The following ZNF318 variants were observed in gnomAD, a reference collection of about 807,000 sequenced individuals.
The protein encoded by ZNF318 is endocrine regulator.
In ZNF318, 51 loss-of-function variants were observed where a neutral mutation model predicts 124.2. The observed-to-expected ratio is 0.41, with a 90% confidence interval of 0.33 to 0.52. The LOEUF (loss-of-function observed/expected upper bound fraction) is 0.52, where lower values mean the gene tolerates loss of function less well. Ranked by LOEUF, ZNF318 falls within the 20% of genes least tolerant of loss-of-function variation. The pLI, the probability that ZNF318 is intolerant of heterozygous loss-of-function variation, is 0.23. For missense variants in ZNF318, 2,815 were observed against 2,811.2 expected (o/e 1.00, Z -0.03); for synonymous variants, 1,090 against 1,040.7 (o/e 1.05, Z -0.91).
chr6:43,338,639 C>T lies in ZNF318; in HGVS notation c.5359G>A (p.Glu1787Lys). The T allele has an allele frequency of 6.2e-7, 1 of 1,614,142 alleles. No individual in the cohort carries two copies. The highest frequency in any genetic ancestry group is 8.5e-7 in the Non-Finnish European group (1 of 1,180,020). ...TNTELKERVK[E>K]LSEGIVDEGV... is the part of the protein sequence containing the mutation. Reference sequence around the variant, plus strand: ...TCATCAACTATCCCCTCAGACAGCTCCTTTACCCTTTCTTTTAGTTCAGTG... The same window carrying T: ...TCATCAACTATCCCCTCAGACAGCTTCTTTACCCTTTCTTTTAGTTCAGTG... The change falls in exon 10 of 10, where the codon GAG (glutamate) becomes AAG (lysine). Residue 1787 changes from glutamate (E) to lysine (K), a missense_variant. This residue lies in a region of ZNF318 where 927 missense variants were observed against 820.6 expected (regional missense o/e 1.13). Coordinates refer to ENST00000361428, the MANE Select transcript of ZNF318 (RefSeq NM_014345.3).
chr6:43,352,735 A>AT (rs747533476), intron 4 of ZNF318, among the ~76,000 whole-genome samples: 8 of 152,352 alleles, frequency 5.3e-5, no homozygotes, highest in Admixed American at 3.9e-4. Context: ...GATAGCAACT[A>AT]TTAGATAGTG....
Position 43,339,364 on chromosome 6 carries a change from A to G in ZNF318, c.4634T>C (p.Val1545Ala), listed in dbSNP as rs1161648433. 9 of 1,614,156 alleles carry G rather than the reference A, an allele frequency of 5.6e-6. No individual in the cohort carries two copies. The highest frequency in any genetic ancestry group is 7.6e-6 in the Non-Finnish European group (9 of 1,180,036). Residue 1545 changes from valine (V) to alanine (A), a missense_variant, in exon 10 of 10, where the codon GTG becomes GCG. This residue lies in a region of ZNF318 where 500 missense variants were observed against 605.2 expected (regional missense o/e 0.83). Coordinates refer to ENST00000361428, the MANE Select transcript of ZNF318 (RefSeq NM_014345.3). The surrounding 1 kb of genome is among the most constrained non-coding windows in gnomAD (Gnocchi z 4.2). Reference sequence around the variant, plus strand: ...TAATTTTTTGGCTTGTTCACTGAACACACTTGAGAGGGGTGGTGGAGGACG... The same window carrying G: ...TAATTTTTTGGCTTGTTCACTGAACGCACTTGAGAGGGGTGGTGGAGGACG... ...LVRPPPPLSS[V>A]FSEQAKKLEK...
chr6:43,342,057 C>A, intron 8 of ZNF318, 55 bp downstream of exon 8: 1 of 1,473,656 alleles, frequency 6.8e-7, no homozygotes, highest in South Asian at 1.1e-5. Flanking sequence ...TTCAGGGACA[C>A]CTCTTCCTCA....
chr6:43,350,024 C>A (rs562774380), intron 5 of ZNF318, among the ~76,000 whole-genome samples: 5 of 152,034 alleles, frequency 3.3e-5, no homozygotes, highest in Non-Finnish European at 5.9e-5. Flanking sequence ...TCGAGGCAGG[C>A]GGATCACCTG....
Position 43,357,144 on chromosome 6 carries a change from T to C in ZNF318, c.1170A>G (p.Ile390Met). The change falls in exon 3 of 10, where the codon ATA (isoleucine) becomes ATG (methionine). Residue 390 changes from isoleucine (I) to methionine (M), a missense_variant. Coordinates refer to ENST00000361428, the MANE Select transcript of ZNF318 (RefSeq NM_014345.3). ...CAGAGACCTGCATGGAGGGCTCCAT[T>C]ATGTCCACCTCAATCCGCTTCTTCA... ...SILKKRIEVD[I>M]MEPSMQLESF... 6.2e-7 allele frequency: 1 copy of C among 1,613,026 alleles called. No homozygotes were observed. Among genetic ancestry groups the C allele is most frequent in the Non-Finnish European group, 8.5e-7 (1 of 1,179,312 alleles).
At position 43,357,625 on chromosome 6, in the gene ZNF318, A is replaced by G. The variant is rs773082240; in HGVS notation, c.689T>C (p.Phe230Ser). 1.1e-5 allele frequency: 17 copies of G among 1,614,106 alleles called. No individual in the cohort carries two copies. In the East Asian group the frequency reaches 3.3e-4, roughly 32 times the overall value. ...GGGACTATAATCAGATCGATGCAGG[A>G]AAGTTTCTTTTGTTCGGTAGTCCTC... ...LDEDYRTKETFLHRSDYSPHI... is the reference protein window; with the variant it reads ...LDEDYRTKETSLHRSDYSPHI... The change falls in exon 3 of 10, where the codon TTC (phenylalanine) becomes TCC (serine). Residue 230 changes from phenylalanine to serine, a missense_variant. Physicochemically the swap from Phe to Ser is radical, Grantham distance 155 (BLOSUM62 -2). This residue lies in a region of ZNF318 where 1,377 missense variants were observed against 1,353.5 expected (regional missense o/e 1.02). Transcript: ENST00000361428.
chr6:43,358,497 A>AG (rs1562135299), intron 2 of ZNF318, among the ~76,000 whole-genome samples: 3 of 146,386 alleles, frequency 2.0e-5, no homozygotes, highest in East Asian at 2.0e-4. Context: ...CTCCTGACCT[A>AG]GTGATCAGCC....
At chr6:43,363,018 C>T (rs10498755) in intron 2 of ZNF318, among the ~76,000 whole-genome samples, 8,765 of 152,082 alleles carry the variant, frequency 0.058, 333 homozygotes, top group Admixed American at 0.088. Context: ...TGTTTAGAAC[C>T]TTAATCTCAC....
intron 5 of ZNF318, among the ~76,000 whole-genome samples, chr6:43,350,122 C>T (rs1289057994): frequency 2.0e-5 from 3 of 152,038 alleles, no homozygotes; most frequent in African/African-American, 7.2e-5. Flanking sequence ...TGGTGGCACA[C>T]GCCTGTAATC....
In ZNF318 at chr6:43,364,365, C is replaced by T. The variant is rs562457047; in HGVS notation, c.548+927G>A. 2.4e-5 allele frequency: 7 copies of T among 289,076 alleles called. No homozygotes were observed. In the South Asian group the frequency reaches 4.8e-4, roughly 20 times the overall value. The allele number at this position is 289,076 out of a possible 1,614,324, so 17.9% of individuals were successfully genotyped here. On this transcript the variant is annotated intron_variant, in intron 2 of 9. Transcript: ENST00000361428. ...AAAAAAAAAAGACTGTTCTGCCTTG[C>T]TTCACTGCATCCACAGCCAATGGAA...
chr6:43,367,979 C>T (rs1158384222), intron 1 of ZNF318, among the ~76,000 whole-genome samples: 5 of 152,170 alleles, frequency 3.3e-5, no homozygotes, highest in Admixed American at 3.3e-4. Context: ...GAGCTGAGAT[C>T]ATGCCATTGC....
rs752385265 is a variant in ZNF318, at chr6:43,354,840, G to A, written c.2494C>T (p.Arg832Cys). Residue 832 changes from arginine to cysteine, a missense_variant, in exon 4 of 10, where the codon CGT (arginine) becomes TGT (cysteine). Physicochemically the swap from Arg to Cys is radical, Grantham distance 180. This residue lies in a region of ZNF318 where 1,377 missense variants were observed against 1,353.5 expected (regional missense o/e 1.02). Transcript: ENST00000361428. ...GTGGGGATCACACGAAGATTGGGAC[G>A]GCTACGAGTAGCTTGTTTGGTTATT... ...MPITKQATRS[R>C]PNLRVIPTVT... 9 of 1,614,156 alleles carry A rather than the reference G, an allele frequency of 5.6e-6. No homozygotes were observed. Among genetic ancestry groups the A allele is most frequent in the East Asian group, 2.2e-5 (1 of 44,882 alleles).
At chr6:43,362,826 A>T (rs1035880946) in intron 2 of ZNF318, among the ~76,000 whole-genome samples, 5 of 152,196 alleles carry the variant, frequency 3.3e-5, no homozygotes, top group Non-Finnish European at 7.3e-5. Flanking sequence ...TACAAAGGAT[A>T]TAAATGGCCT....
rs1204152674 is a variant in ZNF318 at position 43,369,426 on chromosome 6, C to T, written c.-61G>A. On this transcript the variant is annotated 5_prime_UTR_variant, in exon 1 of 10. Transcript: ENST00000361428. ...CCCGGGGGCGCCCTAGACGCAGGCT[C>T]GGAGCGCGCCGCCGCAGCTGCAGCC... The T allele has an allele frequency of 5.3e-6, 6 of 1,142,336 alleles. No individual in the cohort carries two copies. The highest frequency in any genetic ancestry group is 4.1e-5 in the East Asian group (1 of 24,464). The allele number at this position is 1,142,336 out of a possible 1,614,324, so 70.8% of individuals were successfully genotyped here.
rs1352120992 is a variant in ZNF318, at chr6:43,338,153, G to T, written c.5845C>A (p.Gln1949Lys). ...GCCAACTCATAGATCTTTTTAACTT[G>T]AAAGTCTTTTGATCTTTCTCTCTTG... Reference protein sequence around the residue: ...KLKRERSKDFQVKKIYELAVW... With the variant: ...KLKRERSKDFKVKKIYELAVW... The change falls in exon 10 of 10, where the codon CAA (glutamine) becomes AAA (lysine). Residue 1949 changes from glutamine to lysine, a missense_variant. Physicochemically the swap from Gln to Lys is moderately conservative, Grantham distance 53. Transcript: ENST00000361428. 2 of 1,613,834 alleles carry T rather than the reference G, an allele frequency of 1.2e-6. No homozygotes were observed. Among genetic ancestry groups the T allele is most frequent in the Middle Eastern group, 1.7e-4 (1 of 6,058 alleles).
chr6:43,360,771 G>A (rs753302202), intron 2 of ZNF318, among the ~76,000 whole-genome samples: 67 of 152,134 alleles, frequency 4.4e-4, no homozygotes, highest in Admixed American at 5.9e-4. Context: ...CAATAAAAAG[G>A]AATGCTACAA....
rs1246547854 is a variant in ZNF318, at chr6:43,354,740, A to C, written c.2594T>G (p.Val865Gly). 1 of 1,614,130 alleles carries C rather than the reference A, an allele frequency of 6.2e-7. No individual in the cohort carries two copies. Among genetic ancestry groups the C allele is most frequent in the Non-Finnish European group, 8.5e-7 (1 of 1,180,032 alleles). Residue 865 changes from valine to glycine, a missense_variant, in exon 4 of 10, where the codon GTG becomes GGG. Val to Gly is a moderately radical substitution (Grantham distance 109). This residue lies in a region of ZNF318 where 1,377 missense variants were observed against 1,353.5 expected (regional missense o/e 1.02). Transcript: ENST00000361428. ...ATATCTTATGAGTGATGGAATGGAC[A>C]CCTGGACAGGCACTTGGGCCGCAGG... Reference protein sequence around the residue: ...SIPAAQVPVQVSIPSLIRYNP... With the variant: ...SIPAAQVPVQGSIPSLIRYNP...
rs759084566 is a variant in ZNF318, at chr6:43,339,294, C to T, written c.4704G>A (p.Leu1568=). ...CACCACTACTATAGAATATGTCATA[C>T]AGGTCCTTAGCATTGGCTGTGGCTA... ...SCLATANAKD[L]YDIFYSSGGK... is the part of the protein sequence containing the mutation. The change falls in exon 10 of 10, where the codon CTG becomes CTA. Residue 1568 remains leucine, a synonymous_variant. Coordinates refer to ENST00000361428, the MANE Select transcript of ZNF318 (RefSeq NM_014345.3). This position sits in a 1 kb window ranked among gnomAD's most constrained non-coding sequence, Gnocchi z 4.2. 39 of 1,614,096 alleles carry T rather than the reference C, an allele frequency of 2.4e-5. No homozygotes were observed. The highest frequency in any genetic ancestry group is 3.1e-5 in the Non-Finnish European group (37 of 1,180,050).
At chr6:43,346,736 T>C (rs1779453461) in intron 6 of ZNF318, among the ~76,000 whole-genome samples, 1 of 152,092 alleles carries the variant, frequency 6.6e-6, no homozygotes, top group Non-Finnish European at 1.5e-5. Context: ...GGGAGAAAGA[T>C]TATTCCAGGC....
Sources: allele counts gnomAD v4.1 joint callset (sites outside exome capture counted in the v4.1 genomes callset), GRCh38; gene constraint gnomAD v4.1.1; regional missense constraint gnomAD v4.1.1; non-coding constraint Gnocchi (gnomAD v3.1); transcripts MANE v1.5; gene names NCBI Gene and HGNC (gene_info 2026-07-23, HGNC 2026-07-21).